SORCS1: variants seen among roughly 807,000 people sequenced by gnomAD.
SORCS1 encodes the protein VPS10 domain-containing receptor SorCS1.
In SORCS1, 60 loss-of-function variants were observed where a neutral mutation model predicts 146.1. That is an observed-to-expected ratio of 0.41 (90% confidence interval 0.33 to 0.51). SORCS1 has a LOEUF of 0.51. SORCS1 is among the 20% of genes least tolerant of loss of function. The probability of loss-of-function intolerance (pLI) is 0.21; values close to 1 mark genes in which losing one functional copy is unlikely to be tolerated. For missense variants in SORCS1, 1,352 were observed against 1,487.6 expected, an observed-to-expected ratio of 0.91 and a Z score of 1.50; for synonymous variants, 637 against 584.0, an observed-to-expected ratio of 1.09 and a Z score of -1.31.
chr10:106,835,253 C>G (rs1948731828), intron 2 of SORCS1, among the ~76,000 whole-genome samples: 1 of 152,180 alleles, frequency 6.6e-6, no homozygotes, highest in South Asian at 2.1e-4. Flanking sequence ...GGATTTCCTT[C>G]ACTATAATCT....
intron 4 of SORCS1, 110 bp downstream of exon 4, chr10:106,776,424 C>T (rs763049622): frequency 1.0e-5 from 14 of 1,402,290 alleles, no homozygotes; most frequent in Middle Eastern, 1.8e-4. Flanking sequence ...GGTCAGGCTA[C>T]TGCTCAGAAC....
At chr10:106,906,120 G>T (rs543185651) in intron 2 of SORCS1, among the ~76,000 whole-genome samples, 1 of 152,160 alleles carries the variant, frequency 6.6e-6, no homozygotes, top group Admixed American at 6.5e-5. Flanking sequence ...AGAGGTTTTT[G>T]TTTGTTTATT....
intron 2 of SORCS1, among the ~76,000 whole-genome samples, chr10:106,924,000 G>A (rs1446792431): frequency 6.6e-6 from 1 of 152,168 alleles, no homozygotes; most frequent in Non-Finnish European, 1.5e-5. Flanking sequence ...GCTCATGCCT[G>A]TAATTCCAGC....
chr10:106,659,003 C>T (rs987401281), intron 17 of SORCS1, among the ~76,000 whole-genome samples: 3 of 152,188 alleles, frequency 2.0e-5, no homozygotes, highest in Non-Finnish European at 1.5e-5. Flanking sequence ...CAGGCAGCCC[C>T]AAAATGGTCA....
At chr10:107,027,085 T>C (rs1958440951) in intron 1 of SORCS1, among the ~76,000 whole-genome samples, 1 of 143,026 alleles carries the variant, frequency 7.0e-6, no homozygotes, top group African/African-American at 2.8e-5. Flanking sequence ...GATATACATA[T>C]ATATACATAT....
intron 1 of SORCS1, among the ~76,000 whole-genome samples, chr10:106,965,641 A>G (rs1225314220): frequency 3.9e-5 from 6 of 152,228 alleles, no homozygotes. Flanking sequence ...AGTAAGTTAA[A>G]TTACTAAGCC....
chr10:107,035,105 C>T (rs941883041), intron 1 of SORCS1, among the ~76,000 whole-genome samples: 6 of 151,288 alleles, frequency 4.0e-5, no homozygotes, highest in Admixed American at 4.0e-4. Flanking sequence ...TCATTACCAC[C>T]TTTTTTTTAA....
intron 1 of SORCS1, among the ~76,000 whole-genome samples, chr10:106,974,029 C>A (rs1030823337): frequency 6.6e-6 from 1 of 152,008 alleles, no homozygotes. Flanking sequence ...AGTCATGAGG[C>A]TTTTTCTTCC....
chr10:107,031,470 C>T (rs538150873), intron 1 of SORCS1, among the ~76,000 whole-genome samples: 16 of 145,792 alleles, frequency 1.1e-4, no homozygotes, highest in South Asian at 8.3e-4. Flanking sequence ...CTTGGCAAAC[C>T]GCCTTGAATG....
intron 2 of SORCS1, among the ~76,000 whole-genome samples, chr10:106,947,466 G>A (rs1183981903): frequency 6.6e-6 from 1 of 152,142 alleles, no homozygotes; most frequent in Non-Finnish European, 1.5e-5. Flanking sequence ...GAATAGTCAG[G>A]AGCCAGCTCT....
chr10:106,883,569 C>T (rs1466702819), intron 2 of SORCS1, among the ~76,000 whole-genome samples: 1 of 152,074 alleles, frequency 6.6e-6, no homozygotes, highest in Non-Finnish European at 1.5e-5. Context: ...TGCCTGCCAC[C>T]TGGCTAATTT....
intron 2 of SORCS1, among the ~76,000 whole-genome samples, chr10:106,914,003 G>C (rs1025439845): frequency 6.6e-6 from 1 of 152,174 alleles, no homozygotes; most frequent in Non-Finnish European, 1.5e-5. Flanking sequence ...CACACATCCA[G>C]CCAGTGGGAA....
chr10:107,166,469 A>G (rs774695139), upstream of SORCS1, among the ~76,000 whole-genome samples: 10 of 152,212 alleles, frequency 6.6e-5, no homozygotes, highest in Non-Finnish European at 8.8e-5. Flanking sequence ...AAAAGGACCT[A>G]AAAGAGTGTC....
chr10:107,092,939 G>A (rs11193196), intron 1 of SORCS1, among the ~76,000 whole-genome samples: 39,019 of 142,574 alleles, frequency 0.27, 5,677 homozygotes, highest in Middle Eastern at 0.46. Context: ...CTTTTCTCAA[G>A]TTCAATAAGG....
In SORCS1 at chr10:107,164,176, C is replaced by A; in HGVS notation, c.351G>T (p.Lys117Asn). 1 of 1,612,416 alleles carries A rather than the reference C, an allele frequency of 6.2e-7. No homozygotes were observed. The change falls in exon 1 of 26, where the codon AAG becomes AAT. Residue 117 changes from lysine to asparagine, a missense_variant. Lys to Asn is a moderately conservative substitution (Grantham distance 94). Transcript: ENST00000263054. The surrounding 1 kb of genome is among the most constrained non-coding windows in gnomAD (Gnocchi z 6.8). The stretch of plus-strand genomic sequence containing the variant: ...GACTCGCGCCCTCTCCCCGTTCTGC[C>A]TTCTCCTGATCCGCTCCGCTCCGTC... ...RRRRSGADQE[K>N]AERGEGASRS...
intron 5 of SORCS1, among the ~76,000 whole-genome samples, chr10:106,738,949 A>C (rs1230626524): frequency 1.3e-5 from 2 of 152,178 alleles, no homozygotes; most frequent in Non-Finnish European, 2.9e-5. Flanking sequence ...TGGCCTCCCA[A>C]AGTTCTGAGA....
At chr10:107,090,631 T>C (rs1964115139) in intron 1 of SORCS1, among the ~76,000 whole-genome samples, 2 of 152,220 alleles carry the variant, frequency 1.3e-5, no homozygotes, top group Non-Finnish European at 2.9e-5. Context: ...TTTTCAACTG[T>C]GCAGAACCTT....
At chr10:107,165,993 CA>C (rs1420026691), upstream of SORCS1, among the ~76,000 whole-genome samples, 3 of 152,292 alleles carry the variant, frequency 2.0e-5, no homozygotes, top group Admixed American at 2.0e-4. This position sits in a 1 kb window ranked among gnomAD's most constrained non-coding sequence, Gnocchi z 4.0. Context: ...TTGAAAACGG[CA>C]AAGGATTTCT....
intron 2 of SORCS1, among the ~76,000 whole-genome samples, chr10:106,863,934 C>G (rs180740016): frequency 8.5e-4 from 130 of 152,132 alleles, no homozygotes; most frequent in Non-Finnish European, 1.4e-3. Flanking sequence ...GACGAAAACA[C>G]TCAGATTCTT....
Sources: allele counts gnomAD v4.1 joint callset (sites outside exome capture counted in the v4.1 genomes callset), GRCh38; gene constraint gnomAD v4.1.1; non-coding constraint Gnocchi (gnomAD v3.1); transcripts MANE v1.5; gene names NCBI Gene and HGNC (gene_info 2026-07-23, HGNC 2026-07-21).